Variants in CFP observed in about 807,000 individuals in gnomAD.
CFP encodes properdin.
Under a neutral mutation model 42.1 loss-of-function variants are expected in CFP, and 14 were observed. That is an observed-to-expected ratio of 0.33 (90% CI 0.22 to 0.52). The LOEUF (loss-of-function observed/expected upper bound fraction) is 0.52, where lower values mean the gene tolerates loss of function less well. Ranked by LOEUF, CFP falls within the 20% of genes least tolerant of loss-of-function variation. The pLI is 0.96. For synonymous variants in CFP, 149 were observed against 160.6 expected (o/e 0.93, Z 0.54); for missense variants, 318 against 400.4 (o/e 0.79, Z 1.76).
rs1603084500 is a variant in CFP at position 47,628,158 on chromosome X, G to A, written c.347C>T (p.Ala116Val). Residue 116 changes from alanine (A) to valine (V), a missense_variant, in exon 3 of 9, where the codon GCA becomes GTA. Coordinates refer to ENST00000396992, the MANE Select transcript of CFP (RefSeq NM_001145252.3). ...GWNGQCSGKV[A>V]PGTLEWQLQA... is the part of the protein sequence containing the mutation. ...GAGCTGCCACTCCAGGGTCCCAGGTGCCACCTTTCCAGAGCACTGCCCATT... is the reference window on the plus strand; with the variant it reads ...GAGCTGCCACTCCAGGGTCCCAGGTACCACCTTTCCAGAGCACTGCCCATT... The A allele has an allele frequency of 8.3e-7, 1 of 1,211,770 alleles. No homozygotes were observed. Among genetic ancestry groups the A allele is most frequent in the Non-Finnish European group, 1.1e-6 (1 of 895,499 alleles).
At chrX:47,629,489 C>CCA in intron 2 of CFP, 35 bp downstream of exon 2, 4 of 654,455 alleles carry the variant, frequency 6.1e-6, no homozygotes, top group Non-Finnish European at 9.6e-6. Flanking sequence ...CAGTCCTTCC[C>CCA]TCCCCCCCAT....
In CFP at chrX:47,623,822, G is replaced by A. The variant is rs1351474393; in HGVS notation, c.*453C>T. The A allele has an allele frequency of 2.2e-5, 3 of 138,858 alleles. No individual in the cohort carries two copies. Among genetic ancestry groups the A allele is most frequent in the Non-Finnish European group, 4.3e-5 (3 of 69,582 alleles). 11.4% of individuals were successfully genotyped at this position (138,858 alleles called of 1,213,427 possible). ...GTCGGCCGGCAGAGGCTCCTCCAGG[G>A]TTCCGGCTGGTGGGAATCTAGGGAG... On this transcript the variant is annotated 3_prime_UTR_variant, in exon 9 of 9. Coordinates refer to ENST00000396992, the MANE Select transcript of CFP (RefSeq NM_001145252.3).
chrX:47,627,490 G>A lies in CFP; in HGVS notation c.555C>T (p.Asp185=). The A allele has an allele frequency of 8.3e-7, 1 of 1,211,681 alleles. No individual in the cohort carries two copies. Residue 185 remains aspartate, a synonymous_variant, in exon 4 of 9, where the codon GAC becomes GAT. Coordinates refer to ENST00000396992, the MANE Select transcript of CFP (RefSeq NM_001145252.3). ...PGQAQESEAC[D]TQQVCPTHGA... Reference sequence around the variant, plus strand: ...ACTCACTGGGGCAGACCTGCTGGGTGTCACAGGCCTCTGATTCCTGTGCCT... The same window carrying A: ...ACTCACTGGGGCAGACCTGCTGGGTATCACAGGCCTCTGATTCCTGTGCCT...
At chrX:47,629,421 G>T in intron 2 of CFP, 103 bp downstream of exon 2, 1 of 655,123 alleles carries the variant, frequency 1.5e-6, no homozygotes. Context: ...AGGGCCTCAG[G>T]GCCACCCTTG....
At chrX:47,627,098 CAA>C in intron 5 of CFP, 41 bp downstream of exon 5, 1 of 1,201,520 alleles carries the variant, frequency 8.3e-7, no homozygotes. Context: ...TGCCCTCAAT[CAA>C]GAGCCCCACC....
intron 2 of CFP, chrX:47,629,100 A>G (rs8177070): frequency 0.019 from 2,991 of 159,656 alleles, 104 homozygotes; most frequent in African/African-American, 0.087. Context: ...CATCAAAATT[A>G]GGGAAATACC....
chrX:47,624,734 C>G, intron 8 of CFP: 1 of 226,675 alleles, frequency 4.4e-6, no homozygotes, highest in South Asian at 1.2e-4. Context: ...CCCAACACTA[C>G]TTTTTAGCTA....
In CFP at chrX:47,626,873, T is replaced by C; in HGVS notation, c.840A>G (p.Glu280=). The C allele has an allele frequency of 8.3e-7, 1 of 1,205,878 alleles. No individual in the cohort carries two copies. The highest frequency in any genetic ancestry group is 3.0e-5 in the East Asian group (1 of 33,583). Residue 280 remains glutamate (E), a synonymous_variant, in exon 6 of 9, where the codon GAA becomes GAG. Transcript: ENST00000396992. ...GCACAGGGTGATTGCACGTCCGTTG[T>C]TCCATGGTCTGGCCCAGGCCACAGG... ...PVTCGLGQTM[E]QRTCNHPVPQ... is the part of the protein sequence containing the mutation.
rs1299723857 is a variant in CFP at position 47,627,307 on chromosome X, G to A, written c.600C>T (p.Gly200=). ...AGGAGGCTGAGCAGGGGGTCCAGGG[G>A]CCCCAGGTGGCCCAGGCCCCGTGTG... ...CPTHGAWATW[G]PWTPCSASCH... Residue 200 remains glycine (G), a synonymous_variant, in exon 5 of 9, where the codon GGC becomes GGT. Coordinates refer to ENST00000396992, the MANE Select transcript of CFP (RefSeq NM_001145252.3). The A allele has an allele frequency of 8.3e-7, 1 of 1,198,813 alleles. No individual in the cohort carries two copies. The highest frequency in any genetic ancestry group is 1.1e-6 in the Non-Finnish European group (1 of 887,861).
intron 3 of CFP, 80 bp downstream of exon 3, chrX:47,628,022 C>T: frequency 1.1e-5 from 12 of 1,108,489 alleles, no homozygotes; most frequent in Non-Finnish European, 1.5e-5. Context: ...GACGGGCCCA[C>T]TCTGAGGACC....
chrX:47,627,873 C>T (rs2057975856), intron 3 of CFP, among the ~76,000 whole-genome samples: 1 of 111,625 alleles, frequency 9.0e-6, no homozygotes, highest in Middle Eastern at 4.6e-3. Context: ...AGTCAGATCA[C>T]GTTCCTCCTC....
chrX:47,628,127 G>A lies in CFP; in HGVS notation c.378C>T (p.Ala126=). ...CAGGACAGCACTGCTGGTCCTCACA[G>A]GCCTGGAGCTGCCACTCCAGGGTCC... ...APGTLEWQLQ[A]CEDQQCCPEM... Residue 126 remains alanine (A), a synonymous_variant, in exon 3 of 9, where the codon GCC becomes GCT. Coordinates refer to ENST00000396992, the MANE Select transcript of CFP (RefSeq NM_001145252.3). 8.3e-7 allele frequency: 1 copy of A among 1,211,642 alleles called. No homozygotes were observed. The highest frequency in any genetic ancestry group is 1.8e-5 in the South Asian group (1 of 56,963).
At position 47,627,492 on chromosome X, in the gene CFP, C is replaced by T. The variant is rs1289838479; in HGVS notation, c.553G>A (p.Asp185Asn). 4 of 1,210,504 alleles carry T rather than the reference C, an allele frequency of 3.3e-6. No individual in the cohort carries two copies. Among genetic ancestry groups the T allele is most frequent in the Non-Finnish European group, 4.5e-6 (4 of 895,140 alleles). Reference protein sequence around the residue: ...PGQAQESEACDTQQVCPTHGA... With the variant: ...PGQAQESEACNTQQVCPTHGA... ...TCACTGGGGCAGACCTGCTGGGTGTCACAGGCCTCTGATTCCTGTGCCTGT... is the reference window on the plus strand; with the variant it reads ...TCACTGGGGCAGACCTGCTGGGTGTTACAGGCCTCTGATTCCTGTGCCTGT... The change falls in exon 4 of 9, where the codon GAC (aspartate) becomes AAC (asparagine). Residue 185 changes from aspartate to asparagine, a missense_variant. Transcript: ENST00000396992.
rs1438325668 is a variant in CFP at position 47,629,817 on chromosome X, G to A, written c.28C>T (p.Arg10Ter). 8.6e-7 allele frequency: 1 copy of A among 1,167,913 alleles called. No individual in the cohort carries two copies. The highest frequency in any genetic ancestry group is 1.1e-6 in the Non-Finnish European group (1 of 873,229). MITEGAQAPRLLLPPLLLLL... is the reference protein window; with the variant it reads MITEGAQAP ...AGGAGCAGCGGCGGCAGCAACAATC[G>A]AGGGGCCTGCGCTCCCTCTGTGATC... Residue 10 changes from arginine (R) to a stop codon, truncating the protein, a stop_gained, in exon 1 of 9, where the codon CGA (arginine) becomes TGA (stop). Coordinates refer to ENST00000396992, the MANE Select transcript of CFP (RefSeq NM_001145252.3). LOFTEE classifies it high-confidence loss of function.
intron 2 of CFP, 26 bp downstream of exon 2, chrX:47,629,498 A>ACCCCCCCCCCCCCCCC: frequency 3.7e-6 from 1 of 270,868 alleles, no homozygotes; most frequent in Non-Finnish European, 6.3e-6. Context: ...CCTCCCCCCC[A>ACCCCCCCCCCCCCCCC]TCCCCCACCC....
At position 47,628,283 on chromosome X, in the gene CFP, G is replaced by A; in HGVS notation, c.228-6C>T. 8.3e-7 allele frequency: 1 copy of A among 1,204,342 alleles called. No homozygotes were observed. Among genetic ancestry groups the A allele is most frequent in the South Asian group, 1.8e-5 (1 of 55,910 alleles). ...ACAGGGACCATCGTGGGGACCTGTG[G>A]AGAAGAGCACACACATCCCATCCTG... On this transcript the variant is annotated splice_region_variant and splice_polypyrimidine_tract_variant and intron_variant, in intron 2 of 8. Transcript: ENST00000396992.
intron 8 of CFP, chrX:47,625,663 C>T: frequency 7.7e-6 from 2 of 258,681 alleles, no homozygotes; most frequent in Non-Finnish European, 1.4e-5. Flanking sequence ...GTATCTGCAA[C>T]TGTTGCTGAA....
At chrX:47,630,076 T>A (rs1035367022), upstream of CFP, 1 of 426,434 alleles carries the variant, frequency 2.3e-6, no homozygotes, top group Non-Finnish European at 4.1e-6. Flanking sequence ...CACCTCGCGC[T>A]CCTCCCAGCA....
Position 47,624,192 on chromosome X carries a change from T to G in CFP, c.*83A>C. Reference sequence around the variant, plus strand: ...GAAGGGGATAGGTTGTTTTTCCTCCTTTAAGGAATCGTAGACGAACTCGAA... The same window carrying G: ...GAAGGGGATAGGTTGTTTTTCCTCCGTTAAGGAATCGTAGACGAACTCGAA... On this transcript the variant is annotated 3_prime_UTR_variant, in exon 9 of 9. Transcript: ENST00000396992. 2 of 1,098,594 alleles carry G rather than the reference T, an allele frequency of 1.8e-6. No individual in the cohort carries two copies. Among genetic ancestry groups the G allele is most frequent in the South Asian group, 3.7e-5 (2 of 54,431 alleles). The allele number at this position is 1,098,594 out of a possible 1,213,427, so 90.5% of individuals were successfully genotyped here.
Sources: allele counts gnomAD v4.1 joint callset (sites outside exome capture counted in the v4.1 genomes callset), GRCh38; gene constraint gnomAD v4.1.1; transcripts MANE v1.5; gene names NCBI Gene and HGNC (gene_info 2026-07-23, HGNC 2026-07-21).